The following CADM2 variants were observed in gnomAD, a reference collection of about 807,000 sequenced individuals.
CADM2 encodes the protein immunoglobulin superfamily member 4D.
CADM2 carries 12 observed loss-of-function variants against 49.8 expected under a neutral mutation model. That is an observed-to-expected ratio of 0.24 (90% CI 0.15 to 0.39). The LOEUF (loss-of-function observed/expected upper bound fraction) is 0.39, where lower values mean the gene tolerates loss of function less well. Among genes scored for constraint, CADM2 ranks in the 10% least tolerant of loss-of-function variants. The probability of loss-of-function intolerance (pLI) is 1.00; values close to 1 mark genes in which losing one functional copy is unlikely to be tolerated. For missense variants in CADM2, 378 were observed against 492.3 expected (o/e 0.77, Z 2.20); for synonymous variants, 214 against 175.4 (o/e 1.22, Z -1.74).
chr3:85,009,656 AG>A (rs556421436), intron 1 of CADM2, among the ~76,000 whole-genome samples: 12 of 152,206 alleles, frequency 7.9e-5, no homozygotes, highest in African/African-American at 2.9e-4. Context: ...GCCTGAACTC[AG>A]GAGTTCGAGA....
At chr3:86,036,829 G>A (rs1166728417) in intron 8 of CADM2, among the ~76,000 whole-genome samples, 2 of 152,090 alleles carry the variant, frequency 1.3e-5, no homozygotes, top group Non-Finnish European at 2.9e-5. Flanking sequence ...GGTGATGGTG[G>A]TATGTGCCTG....
intron 1 of CADM2, among the ~76,000 whole-genome samples, chr3:85,600,912 A>G (rs2063372155): frequency 6.6e-6 from 1 of 151,064 alleles, no homozygotes; most frequent in Non-Finnish European, 1.5e-5. Flanking sequence ...CAACGATTAT[A>G]TCTTTGACTT....
At chr3:85,157,191 G>C (rs981661501) in intron 1 of CADM2, among the ~76,000 whole-genome samples, 1 of 151,984 alleles carries the variant, frequency 6.6e-6, no homozygotes, top group Non-Finnish European at 1.5e-5. Context: ...AATAAAAGAG[G>C]ATACAAACAA....
chr3:85,263,210 T>A (rs1384304131), intron 1 of CADM2, among the ~76,000 whole-genome samples: 4 of 151,908 alleles, frequency 2.6e-5, no homozygotes, highest in African/African-American at 9.7e-5. Flanking sequence ...CCCAGTCTGA[T>A]CTCCAATCCT....
At chr3:85,727,250 T>C (rs947496171) in intron 2 of CADM2, among the ~76,000 whole-genome samples, 3 of 152,130 alleles carry the variant, frequency 2.0e-5, no homozygotes, top group African/African-American at 7.2e-5. Flanking sequence ...TGCTTTTGCT[T>C]CTTAAATAGC....
intron 1 of CADM2, among the ~76,000 whole-genome samples, chr3:85,408,043 A>G (rs1432436891): frequency 2.0e-5 from 3 of 148,852 alleles, no homozygotes; most frequent in African/African-American, 2.5e-5. Flanking sequence ...AGAAGAAGAA[A>G]AAAACGGACT....
chr3:85,282,778 A>C (rs960883774), intron 1 of CADM2, among the ~76,000 whole-genome samples: 4 of 152,050 alleles, frequency 2.6e-5, no homozygotes, highest in Non-Finnish European at 5.9e-5. Context: ...TAATACCTAA[A>C]ATATATAAGA....
At chr3:85,173,474 T>G (rs1052923117) in intron 1 of CADM2, among the ~76,000 whole-genome samples, 3 of 149,606 alleles carry the variant, frequency 2.0e-5, no homozygotes, top group Non-Finnish European at 4.4e-5. Context: ...CTAAAATTTC[T>G]CAAGTTTTTT....
intron 8 of CADM2, among the ~76,000 whole-genome samples, chr3:86,022,685 C>G (rs772107997): frequency 6.6e-6 from 1 of 152,038 alleles, no homozygotes; most frequent in Non-Finnish European, 1.5e-5. Context: ...AATACACATA[C>G]ACACACATGC....
At chr3:85,090,719 A>T (rs1347953484) in intron 1 of CADM2, among the ~76,000 whole-genome samples, 1 of 152,116 alleles carries the variant, frequency 6.6e-6, no homozygotes, top group Non-Finnish European at 1.5e-5. Flanking sequence ...CCGCCTGAGC[A>T]CCACCTGCTG....
At chr3:86,054,378 T>C (rs954316198) in intron 8 of CADM2, among the ~76,000 whole-genome samples, 2 of 152,132 alleles carry the variant, frequency 1.3e-5, no homozygotes, top group African/African-American at 4.8e-5. Flanking sequence ...AGTGTTGTTA[T>C]ATACATTTTA....
chr3:85,893,294 T>G (rs893834584), intron 5 of CADM2, among the ~76,000 whole-genome samples: 1 of 152,120 alleles, frequency 6.6e-6, no homozygotes, highest in Non-Finnish European at 1.5e-5. Flanking sequence ...GCTAGCCATA[T>G]GTAGAAAGCT....
chr3:85,576,038 C>A (rs1576845415), intron 1 of CADM2, among the ~76,000 whole-genome samples: 1 of 152,252 alleles, frequency 6.6e-6, no homozygotes, highest in East Asian at 1.9e-4. Context: ...TCCATGGAAA[C>A]TGTCTAGCCA....
intron 1 of CADM2, among the ~76,000 whole-genome samples, chr3:85,662,579 C>A (rs921048365): frequency 2.6e-5 from 4 of 152,026 alleles, no homozygotes; most frequent in Admixed American, 2.6e-4. Context: ...CCATTCCTCC[C>A]AGATGGAGCA....
intron 1 of CADM2, among the ~76,000 whole-genome samples, chr3:85,294,895 C>T (rs1164183127): frequency 6.6e-6 from 1 of 152,138 alleles, no homozygotes; most frequent in Non-Finnish European, 1.5e-5. Flanking sequence ...GACTTCATGA[C>T]TAAAACACCA....
At chr3:85,758,174 C>A (rs1273093663) in intron 2 of CADM2, among the ~76,000 whole-genome samples, 1 of 152,000 alleles carries the variant, frequency 6.6e-6, no homozygotes, top group Non-Finnish European at 1.5e-5. Context: ...TTGGTACTGT[C>A]ACATAATTTG....
intron 7 of CADM2, among the ~76,000 whole-genome samples, chr3:85,948,171 A>C (rs780179663): frequency 1.3e-5 from 2 of 151,560 alleles, no homozygotes; most frequent in Non-Finnish European, 3.0e-5. Context: ...ATGTGTTTAT[A>C]TAGCAAATTC....
At chr3:86,030,214 C>T (rs1404258924) in intron 8 of CADM2, among the ~76,000 whole-genome samples, 1 of 151,860 alleles carries the variant, frequency 6.6e-6, no homozygotes, top group East Asian at 1.9e-4. Flanking sequence ...AATCTAGAGA[C>T]ATAGAATACT....
At chr3:86,065,797 A>G in intron 9 of CADM2, 67 bp downstream of exon 9, 3 of 1,519,408 alleles carry the variant, frequency 2.0e-6, no homozygotes, top group Non-Finnish European at 1.8e-6. Flanking sequence ...ATTATAAAAT[A>G]TGATATCAGT....
Sources: gnomAD v4.1 joint callset for allele counts (sites outside exome capture counted in the v4.1 genomes callset) on GRCh38, gnomAD v4.1.1 for gene constraint, MANE v1.5 for transcripts, NCBI Gene and HGNC (gene_info 2026-07-23, HGNC 2026-07-21) for gene names.